The following CFAP61 variants were observed in gnomAD, a reference collection of about 807,000 sequenced individuals.
CFAP61 encodes cilia- and flagella-associated protein 61.
In CFAP61, 107 loss-of-function variants were observed where a neutral mutation model predicts 135.6. The observed-to-expected ratio is 0.79, with a 90% CI of 0.67 to 0.93. The LOEUF (loss-of-function observed/expected upper bound fraction) is 0.93, where lower values mean the gene tolerates loss of function less well. CFAP61 is among the 40% of genes least tolerant of loss of function. The pLI, the probability that CFAP61 is intolerant of heterozygous loss-of-function variation, is 0.00. For synonymous variants in CFAP61, 575 were observed against 578.5 expected (o/e 0.99, Z 0.09); for missense variants, 1,507 against 1,556.2 (o/e 0.97, Z 0.53).
At chr20:20,311,420 C>CAATGAAGGACA (rs1424154744) in intron 25 of CFAP61, among the ~76,000 whole-genome samples, 1 of 152,200 alleles carries the variant, frequency 6.6e-6, no homozygotes, top group Non-Finnish European at 1.5e-5. Context: ...AGATATTAGA[C>CAATGAAGGACA]ATCAGGCAAT....
At chr20:20,355,819 A>G (rs1471955047) in intron 26 of CFAP61, among the ~76,000 whole-genome samples, 1 of 121,262 alleles carries the variant, frequency 8.2e-6, no homozygotes, top group African/African-American at 3.5e-5. Context: ...CACTGTGAGC[A>G]GAGATGGTCA....
chr20:20,251,410 A>C (rs1409387449), intron 19 of CFAP61, among the ~76,000 whole-genome samples, 185 bp from the exon 20 acceptor site: 1 of 150,550 alleles, frequency 6.6e-6, no homozygotes, highest in African/African-American at 2.4e-5. Flanking sequence ...TTTAGCTTTA[A>C]TGGGAAGATG....
chr20:20,343,266 C>T (rs2058514965), intron 26 of CFAP61, among the ~76,000 whole-genome samples: 1 of 152,200 alleles, frequency 6.6e-6, no homozygotes, highest in Admixed American at 6.5e-5. Flanking sequence ...GGCCGAAGTG[C>T]GTGTCCTGGG....
intron 3 of CFAP61, among the ~76,000 whole-genome samples, chr20:20,073,343 T>C (rs2045851537): frequency 6.6e-6 from 1 of 152,244 alleles, no homozygotes; most frequent in South Asian, 2.1e-4. Context: ...AACATGGTTT[T>C]CCTCTTGCGC....
intron 21 of CFAP61, among the ~76,000 whole-genome samples, chr20:20,275,605 A>G (rs1309956222): frequency 6.6e-6 from 1 of 152,224 alleles, no homozygotes. Context: ...AGCCCAGCTC[A>G]CAGTAGAGCT....
intron 17 of CFAP61, among the ~76,000 whole-genome samples, chr20:20,212,615 A>G (rs1219509820): frequency 6.6e-6 from 1 of 152,084 alleles, no homozygotes; most frequent in Non-Finnish European, 1.5e-5. Flanking sequence ...CCCGATAAAC[A>G]CCATGGCTTT....
At chr20:20,327,948 G>A (rs1482849052) in intron 25 of CFAP61, among the ~76,000 whole-genome samples, 2 of 152,068 alleles carry the variant, frequency 1.3e-5, no homozygotes, top group Non-Finnish European at 2.9e-5. Flanking sequence ...CATCTGCCCC[G>A]GGTGAGCACC....
At chr20:20,357,756 A>C (rs1205222503) in intron 26 of CFAP61, among the ~76,000 whole-genome samples, 3 of 6,612 alleles carry the variant, frequency 4.5e-4, no homozygotes, top group Admixed American at 9.4e-4. Flanking sequence ...TCACAGTGTG[A>C]GGGGAGGTGG....
intron 16 of CFAP61, 87 bp downstream of exon 16, chr20:20,196,863 C>T: frequency 8.6e-7 from 1 of 1,163,594 alleles, no homozygotes; most frequent in Non-Finnish European, 1.3e-6. Context: ...TCATTCCTCT[C>T]ATGATGGGTT....
chr20:20,344,494 G>C (rs2058564035), intron 26 of CFAP61, among the ~76,000 whole-genome samples: 1 of 152,178 alleles, frequency 6.6e-6, no homozygotes, highest in Non-Finnish European at 1.5e-5. Flanking sequence ...ACAGGTATAT[G>C]AAAAATGCTT....
chr20:20,080,347 A>G (rs1276544873), intron 6 of CFAP61, among the ~76,000 whole-genome samples: 1 of 152,056 alleles, frequency 6.6e-6, no homozygotes, highest in Non-Finnish European at 1.5e-5. Context: ...TTCTTTTCTG[A>G]TGGTGCCTGG....
At chr20:20,228,214 T>C in intron 17 of CFAP61, 35 bp from the exon 18 acceptor site, 2 of 1,584,156 alleles carry the variant, frequency 1.3e-6, no homozygotes, top group Non-Finnish European at 1.7e-6. Flanking sequence ...TACGTTTTCT[T>C]TGACTCCTTC....
chr20:20,337,272 G>A, intron 25 of CFAP61, among the ~76,000 whole-genome samples: 1 of 135,936 alleles, frequency 7.4e-6, no homozygotes, highest in African/African-American at 2.7e-5. Context: ...CAGAATGGGT[G>A]GGTGGATGGA....
At chr20:20,244,906 A>G (rs1312491235) in intron 18 of CFAP61, among the ~76,000 whole-genome samples, 2 of 152,214 alleles carry the variant, frequency 1.3e-5, no homozygotes, top group Non-Finnish European at 2.9e-5. Flanking sequence ...ATCTCTCTCA[A>G]GTTCAAAGTT....
At chr20:20,115,653 T>G (rs929701960) in intron 8 of CFAP61, among the ~76,000 whole-genome samples, 2 of 152,186 alleles carry the variant, frequency 1.3e-5, no homozygotes, top group Non-Finnish European at 2.9e-5. Flanking sequence ...ATAGATCCAT[T>G]TTTTTAGCTC....
Position 20,137,615 on chromosome 20 carries a change from C to T in CFAP61, c.860-5242C>T, listed in dbSNP as rs763093086. Among the ~76,000 whole-genome samples the T allele has an allele frequency of 2.0e-5, 3 of 152,140 alleles. No homozygotes were observed. In the East Asian group the frequency reaches 5.8e-4, roughly 29 times the overall value. On this transcript the variant is annotated intron_variant, in intron 8 of 26. Transcript: ENST00000245957. ...CTCTTCTGTCAGCTTGTGGTGAATG[C>T]TTTCAGGCCTGGGACTCATCCTTCA...
intron 26 of CFAP61, among the ~76,000 whole-genome samples, chr20:20,350,347 G>A (rs1038072578): frequency 1.3e-5 from 2 of 152,178 alleles, no homozygotes; most frequent in African/African-American, 4.8e-5. Context: ...AAAGAATTGA[G>A]GCCAGACGTG....
At chr20:20,168,934 G>C (rs1268035073) in intron 12 of CFAP61, among the ~76,000 whole-genome samples, 1 of 152,190 alleles carries the variant, frequency 6.6e-6, no homozygotes, top group East Asian at 1.9e-4. Flanking sequence ...GGGACCACTG[G>C]TGTAAGGTCA....
intron 18 of CFAP61, among the ~76,000 whole-genome samples, chr20:20,245,725 G>A (rs2050401990): frequency 1.3e-5 from 2 of 152,178 alleles, no homozygotes; most frequent in South Asian, 4.1e-4. Flanking sequence ...CATGCAAAAG[G>A]CTTGACTGGA....
Sources: allele counts gnomAD v4.1 joint callset (sites outside exome capture counted in the v4.1 genomes callset), GRCh38; gene constraint gnomAD v4.1.1; transcripts MANE v1.5; gene names NCBI Gene and HGNC (gene_info 2026-07-23, HGNC 2026-07-21).